Variants in CCDC157 observed in about 807,000 individuals in gnomAD.
CCDC157 encodes coiled-coil domain containing 157.
In CCDC157, 60 loss-of-function variants were observed where a neutral mutation model predicts 70.9. That is an observed-to-expected ratio of 0.85 (90% CI 0.69 to 1.05). The LOEUF is 1.05. CCDC157 is among the 50% of genes least tolerant of loss of function. CCDC157 has a pLI of 0.00. For synonymous variants in CCDC157, 373 were observed against 422.4 expected, an observed-to-expected ratio of 0.88 and a Z score of 1.43; for missense variants, 943 against 984.2, an observed-to-expected ratio of 0.96 and a Z score of 0.56.
At chr22:30,365,893 G>A (rs546810723) in intron 2 of CCDC157, 97 bp from the exon 3 acceptor site, 27 of 1,220,014 alleles carry the variant, frequency 2.2e-5, no homozygotes, top group Middle Eastern at 2.3e-4. Flanking sequence ...GTGAACTTCC[G>A]GCCTAGCAGC....
rs1282472296 is a variant in CCDC157 at position 30,366,227 on chromosome 22, T to C, written c.227T>C (p.Leu76Pro). 6.2e-7 allele frequency: 1 copy of C among 1,613,820 alleles called. No homozygotes were observed. The highest frequency in any genetic ancestry group is 8.5e-7 in the Non-Finnish European group (1 of 1,180,026). ...TTCACGCAGCTGTCCCATGCCGTGC[T>C]GCTGGAGCTGGTCATCGACAGGTGA... is the stretch of plus-strand genomic sequence containing the variant. ...PEFTQLSHAV[L>P]LELVIDRLLL... The change falls in exon 3 of 12, where the codon CTG (leucine) becomes CCG (proline). Residue 76 changes from leucine to proline, a missense_variant. By Grantham distance (98) the Leu-to-Pro change is moderately conservative. Coordinates refer to ENST00000338306, the MANE Select transcript of CCDC157 (RefSeq NM_001017437.5).
chr22:30,359,183 A>C (rs5753093), intron 1 of CCDC157, among the ~76,000 whole-genome samples: 47,521 of 151,610 alleles, frequency 0.31, 7,636 homozygotes, highest in East Asian at 0.42. Context: ...TGATTTCTTT[A>C]TTTCTTTCAT....
intron 9 of CCDC157, 75 bp downstream of exon 9, chr22:30,374,166 A>G (rs1933168760): frequency 6.7e-7 from 1 of 1,497,932 alleles, no homozygotes; most frequent in South Asian, 1.2e-5. Context: ...TGGGCAGGAC[A>G]CTGGGGACTG....
chr22:30,360,151 T>A (rs1174190246), intron 1 of CCDC157, among the ~76,000 whole-genome samples: 1 of 151,808 alleles, frequency 6.6e-6, no homozygotes, highest in Admixed American at 6.6e-5. Context: ...CTCTAAAAAA[T>A]AAATAAATGA....
chr22:30,366,482 C>A, intron 3 of CCDC157: 1 of 586,510 alleles, frequency 1.7e-6, no homozygotes, highest in Non-Finnish European at 3.1e-6. Flanking sequence ...CTGTCCACCT[C>A]AGGCAGTTGA....
intron 1 of CCDC157, among the ~76,000 whole-genome samples, chr22:30,360,702 A>G (rs972473805): frequency 6.6e-6 from 1 of 152,122 alleles, no homozygotes; most frequent in Non-Finnish European, 1.5e-5. Flanking sequence ...ACCTGAGCTC[A>G]GGAGTTGGAG....
chr22:30,369,501 T>C lies in CCDC157; in HGVS notation c.318T>C (p.Pro106=). 6 of 1,605,446 alleles carry C rather than the reference T, an allele frequency of 3.7e-6. No homozygotes were observed. The highest frequency in any genetic ancestry group is 4.3e-6 in the Non-Finnish European group (5 of 1,175,268). Residue 106 remains proline, a synonymous_variant, in exon 4 of 12, where the codon CCT becomes CCC. Coordinates refer to ENST00000338306, the MANE Select transcript of CCDC157 (RefSeq NM_001017437.5). The part of the protein sequence containing the change: ...ENLGSEQMMP[P]AQAAGPCMSV... ...TTGGCTCAGAGCAGATGATGCCCCCTGCACAGGCTGCGGGGCCCTGCATGT... is the reference window on the plus strand; with the variant it reads ...TTGGCTCAGAGCAGATGATGCCCCCCGCACAGGCTGCGGGGCCCTGCATGT...
At position 30,372,254 on chromosome 22, in the gene CCDC157, G is replaced by A. The variant is rs140648901; in HGVS notation, c.1303G>A (p.Ala435Thr). 6.3e-7 allele frequency: 1 copy of A among 1,591,080 alleles called. No individual in the cohort carries two copies. The highest frequency in any genetic ancestry group is 8.5e-7 in the Non-Finnish European group (1 of 1,171,214). Residue 435 changes from alanine (A) to threonine (T), a missense_variant, in exon 7 of 12, where the codon GCC becomes ACC. Transcript: ENST00000338306. ...CAGCACGGAGCTGGATAAGGAGAAGGCCCGTGTCGACAGCATGGTCCGCCA... is the reference window on the plus strand; with the variant it reads ...CAGCACGGAGCTGGATAAGGAGAAGACCCGTGTCGACAGCATGGTCCGCCA... ...WASTELDKEKARVDSMVRHQE... is the reference protein window; with the variant it reads ...WASTELDKEKTRVDSMVRHQE...
chr22:30,366,503 A>T, intron 3 of CCDC157: 1 of 540,346 alleles, frequency 1.9e-6, no homozygotes, highest in Non-Finnish European at 3.4e-6. Flanking sequence ...TTTCCATTCC[A>T]TCGGTCTCTG....
chr22:30,375,781 C>A, intron 10 of CCDC157, 118 bp downstream of exon 10: 1 of 886,586 alleles, frequency 1.1e-6, no homozygotes, highest in Non-Finnish European at 1.7e-6. Flanking sequence ...AGGCCTTAGG[C>A]TGTGCTTTTG....
chr22:30,357,625 C>T (rs1274537972), intron 1 of CCDC157, among the ~76,000 whole-genome samples: 1 of 151,948 alleles, frequency 6.6e-6, no homozygotes, highest in African/African-American at 2.4e-5. Flanking sequence ...CTGCCTCAGC[C>T]TCCCGAGTGG....
intron 3 of CCDC157, chr22:30,366,569 T>A (rs1353034655): frequency 2.4e-6 from 1 of 410,396 alleles, no homozygotes; most frequent in East Asian, 5.0e-5. Flanking sequence ...CTCCTCAGGG[T>A]TTCTATGTTG....
chr22:30,372,449 C>T, intron 7 of CCDC157, 163 bp downstream of exon 7: 1 of 1,022,238 alleles, frequency 9.8e-7, no homozygotes. Context: ...CTACCCTGAA[C>T]CAGGCACTGG....
rs764540776 is a variant in CCDC157 at position 30,371,710 on chromosome 22, A to T, written c.1106A>T (p.Glu369Val). Residue 369 changes from glutamate to valine, a missense_variant, in exon 6 of 12, where the codon GAG becomes GTG. Transcript: ENST00000338306. ...GAGAGAGAACTGAAACAGCAGCGGG[A>T]GTCCACACAGGCTGTGGGTAAGGAG... ...TLERELKQQR[E>V]STQAVEAKAQ... The T allele has an allele frequency of 1.9e-6, 3 of 1,614,034 alleles. No homozygotes were observed. In the South Asian group the frequency reaches 3.3e-5, roughly 18 times the overall value.
chr22:30,360,983 G>A (rs932178647), intron 1 of CCDC157, among the ~76,000 whole-genome samples: 1 of 152,062 alleles, frequency 6.6e-6, no homozygotes, highest in Non-Finnish European at 1.5e-5. Flanking sequence ...GGAAGTGGAG[G>A]TTGTAGTGAG....
At chr22:30,367,459 A>C (rs192172629) in intron 3 of CCDC157, among the ~76,000 whole-genome samples, 1 of 152,136 alleles carries the variant, frequency 6.6e-6, no homozygotes, top group Non-Finnish European at 1.5e-5. Context: ...GGCTGGTCTC[A>C]AACTCCTGAC....
chr22:30,365,618 G>A (rs757868), intron 2 of CCDC157, among the ~76,000 whole-genome samples: 30,669 of 152,128 alleles, frequency 0.2, 3,350 homozygotes, highest in Middle Eastern at 0.36. Context: ...CGCTGTAGCT[G>A]TAACTCTCAG....
Position 30,365,097 on chromosome 22 carries a change from C to T in CCDC157, c.-11-893C>T, listed in dbSNP as rs369755985. On this transcript the variant is annotated intron_variant, in intron 2 of 11. Coordinates refer to ENST00000338306, the MANE Select transcript of CCDC157 (RefSeq NM_001017437.5). Reference sequence around the variant, plus strand: ...AGGCCATTCCAGCAGAGAGCAATCACAGCTGAGATGGTGGAAGCCCAGAGG... The same window carrying T: ...AGGCCATTCCAGCAGAGAGCAATCATAGCTGAGATGGTGGAAGCCCAGAGG... Among the ~76,000 whole-genome samples the T allele has an allele frequency of 2.6e-5, 4 of 152,308 alleles. No individual in the cohort carries two copies. The East Asian group carries it at 5.8e-4, about 22-fold the overall frequency.
Position 30,376,382 on chromosome 22 carries a change from G to C in CCDC157, c.1946+35G>C, listed in dbSNP as rs756597389. The C allele has an allele frequency of 2.5e-6, 4 of 1,613,422 alleles. No individual in the cohort carries two copies. The African/African-American group carries it at 5.3e-5, about 22-fold the overall frequency. On this transcript the variant is annotated intron_variant, in intron 11 of 11. Coordinates refer to ENST00000338306, the MANE Select transcript of CCDC157 (RefSeq NM_001017437.5). ...GCTTTACTGGAGGTGGGGCAGGTGA[G>C]TGGAGTGTTCCCTGCATTCACAGGG...
Sources: allele counts gnomAD v4.1 joint callset (sites outside exome capture counted in the v4.1 genomes callset), GRCh38; gene constraint gnomAD v4.1.1; transcripts MANE v1.5; gene names NCBI Gene and HGNC (gene_info 2026-07-23, HGNC 2026-07-21).